TNKS2: variants seen among roughly 807,000 people sequenced by gnomAD.
TNKS2 encodes the protein tankyrase 2, also known as poly [ADP-ribose] polymerase tankyrase-2.
In TNKS2, 72 loss-of-function variants were observed where a neutral mutation model predicts 137.6. The ratio of observed to expected loss-of-function variants is 0.52; its 90% CI spans 0.43 to 0.64. The LOEUF (loss-of-function observed/expected upper bound fraction) is 0.64. TNKS2 is among the 30% of genes least tolerant of loss of function. The pLI, the probability that TNKS2 is intolerant of heterozygous loss-of-function variation, is 0.00. For synonymous variants in TNKS2, 516 were observed against 512.1 expected (o/e 1.01, Z -0.10); for missense variants, 1,049 against 1,410.2 (o/e 0.74, Z 4.10).
chr10:91,833,017 A>G (rs1292393243), intron 11 of TNKS2, among the ~76,000 whole-genome samples: 1 of 152,226 alleles, frequency 6.6e-6, no homozygotes, highest in Non-Finnish European at 1.5e-5. Flanking sequence ...TTCCACATGC[A>G]CATCAACTAG....
At chr10:91,827,328 T>C in intron 8 of TNKS2, 125 bp downstream of exon 8, 1 of 736,708 alleles carries the variant, frequency 1.4e-6, no homozygotes, top group Non-Finnish European at 2.0e-6. Flanking sequence ...GGGCATCCAC[T>C]GTTGTTTAGC....
At chr10:91,840,323 G>A (rs994443623) in intron 13 of TNKS2, among the ~76,000 whole-genome samples, 4 of 152,132 alleles carry the variant, frequency 2.6e-5, no homozygotes, top group African/African-American at 9.7e-5. Context: ...CTGGGTAAGA[G>A]AGCTAGACTC....
chr10:91,860,613 A>T (rs1842828752), intron 25 of TNKS2, among the ~76,000 whole-genome samples: 1 of 152,222 alleles, frequency 6.6e-6, no homozygotes, highest in Non-Finnish European at 1.5e-5. Context: ...ACCCTCACAG[A>T]ATCTCTTTTA....
In TNKS2 at chr10:91,819,989, G is replaced by T. The variant is rs1469510795; in HGVS notation, c.684G>T (p.Gln228His). Residue 228 changes from glutamine to histidine, a missense_variant, in exon 6 of 27, where the codon CAG (glutamine) becomes CAT (histidine). Physicochemically the swap from Gln to His is conservative, Grantham distance 24. Coordinates refer to ENST00000371627, the MANE Select transcript of TNKS2 (RefSeq NM_025235.4). ...GATATAACAGAGTAAAGATTGTACA[G>T]CTGTTACTGCAACATGGAGCTGATG... ...AAGYNRVKIV[Q>H]LLLQHGADVH... 6.3e-7 allele frequency: 1 copy of T among 1,593,716 alleles called. No homozygotes were observed. The highest frequency in any genetic ancestry group is 2.3e-5 in the East Asian group (1 of 43,928).
In TNKS2 at chr10:91,828,371, A is replaced by G; in HGVS notation, c.1069A>G (p.Asn357Asp). Residue 357 changes from asparagine to aspartate, a missense_variant, in exon 9 of 27, where the codon AAT (asparagine) becomes GAT (aspartate). By Grantham distance (23) the Asn-to-Asp change is conservative. Transcript: ENST00000371627. ...IKKHLSLEMV[N>D]FKHPQTHETA... ...AAAACATCTCTCTCTGGAAATGGTG[A>G]ATTTCAAGCATCCTCAAACACATGA... The G allele has an allele frequency of 6.2e-7, 1 of 1,608,144 alleles. No homozygotes were observed. The highest frequency in any genetic ancestry group is 8.5e-7 in the Non-Finnish European group (1 of 1,177,826).
chr10:91,815,156 G>A (rs904086304), intron 2 of TNKS2, among the ~76,000 whole-genome samples: 2 of 152,152 alleles, frequency 1.3e-5, no homozygotes, highest in Non-Finnish European at 2.9e-5. Flanking sequence ...ATGTAAAACA[G>A]GGACAGTTGA....
At chr10:91,819,056 TC>T (rs1185937009) in intron 3 of TNKS2, among the ~76,000 whole-genome samples, 1 of 152,076 alleles carries the variant, frequency 6.6e-6, no homozygotes, top group Non-Finnish European at 1.5e-5. Context: ...TAAAATAGAA[TC>T]TTTTTTTTTA....
At chr10:91,802,354 T>C (rs776172101) in intron 1 of TNKS2, among the ~76,000 whole-genome samples, 1 of 152,194 alleles carries the variant, frequency 6.6e-6, no homozygotes, top group Non-Finnish European at 1.5e-5. Context: ...TTCACATATG[T>C]GGAAGAATCA....
intron 26 of TNKS2, among the ~76,000 whole-genome samples, chr10:91,862,498 CAAG>C (rs1842877117): frequency 6.6e-6 from 1 of 152,042 alleles, no homozygotes; most frequent in African/African-American, 2.4e-5. Flanking sequence ...TTCCTAAAAA[CAAG>C]AAGATTTTAT....
chr10:91,802,005 G>T (rs1844187584), intron 1 of TNKS2, among the ~76,000 whole-genome samples: 1 of 152,190 alleles, frequency 6.6e-6, no homozygotes, highest in South Asian at 2.1e-4. Context: ...TCATAGAAAT[G>T]AAAGAAATAT....
rs369814253 is a variant in TNKS2, at chr10:91,861,990, G to A, written c.3282-9G>A. 1,236 of 1,596,632 alleles carry A rather than the reference G, an allele frequency of 7.7e-4. 4 individuals are homozygous for A. The highest frequency in any genetic ancestry group is 6.9e-4 in the Non-Finnish European group (811 of 1,171,352). The stretch of plus-strand genomic sequence containing the variant: ...ACTTCAGGGTGATCTTTTCCTTTTC[G>A]TTTTATAGGCAGCTGCTCTTTTGCC... On this transcript the variant is annotated splice_polypyrimidine_tract_variant and intron_variant, in intron 25 of 26. Transcript: ENST00000371627.
chr10:91,836,634 C>T, intron 12 of TNKS2: 1 of 985,228 alleles, frequency 1.0e-6, no homozygotes, highest in African/African-American at 1.7e-5. Context: ...TAGAGCAGGC[C>T]ATCTTTAGTC....
At chr10:91,816,781 G>A (rs893736502) in intron 2 of TNKS2, among the ~76,000 whole-genome samples, 1 of 150,004 alleles carries the variant, frequency 6.7e-6, no homozygotes, top group African/African-American at 2.5e-5. Flanking sequence ...AGTCTTTCTA[G>A]CATAAGCAGT....
At chr10:91,831,780 G>A (rs1334695498) in intron 11 of TNKS2, among the ~76,000 whole-genome samples, 2 of 152,118 alleles carry the variant, frequency 1.3e-5, no homozygotes, top group African/African-American at 4.8e-5. Flanking sequence ...CTCAGTAAAA[G>A]ATATACATAG....
rs2133575875 is a variant in TNKS2, at chr10:91,798,491, G to T, written c.-200G>T. 1 of 494,042 alleles carries T rather than the reference G, an allele frequency of 2.0e-6. No homozygotes were observed. Among genetic ancestry groups the T allele is most frequent in the East Asian group, 4.7e-5 (1 of 21,390 alleles). The allele number at this position is 494,042 out of a possible 1,614,324, so 30.6% of individuals were successfully genotyped here. ...TTCGCGCTGCCTCCGCCGCCGCGGG[G>T]CAGCCGGGGGGCAGGGAGCCCAGCG... On this transcript the variant is annotated 5_prime_UTR_variant, in exon 1 of 27. Coordinates refer to ENST00000371627, the MANE Select transcript of TNKS2 (RefSeq NM_025235.4).
chr10:91,807,154 C>G, intron 1 of TNKS2: 3 of 1,570,702 alleles, frequency 1.9e-6, no homozygotes, highest in Non-Finnish European at 1.7e-6. Flanking sequence ...CCTAAGTACA[C>G]GACAAAGTCT....
chr10:91,805,850 G>A (rs1844308793), intron 1 of TNKS2, among the ~76,000 whole-genome samples: 1 of 152,080 alleles, frequency 6.6e-6, no homozygotes, highest in African/African-American at 2.4e-5. Flanking sequence ...TCCTGCAGGT[G>A]GGTGCTAAGT....
chr10:91,830,184 A>C (rs1845196793), intron 9 of TNKS2, among the ~76,000 whole-genome samples: 1 of 152,146 alleles, frequency 6.6e-6, no homozygotes, highest in African/African-American at 2.4e-5. Flanking sequence ...GCTATTACCA[A>C]ACAGAATCCA....
In TNKS2 at chr10:91,848,405, T is replaced by C. The variant is rs748206758; in HGVS notation, c.2381T>C (p.Leu794Pro). ...LVSADDVSAL[L>P]TAAMPPSALP... ...TAGGCGGATGATGTCAGCGCTCTTC[T>C]GACAGCAGCCATGCCCCCATCTGCT... The change falls in exon 19 of 27, where the codon CTG becomes CCG. Residue 794 changes from leucine to proline, a missense_variant. This residue lies in a region of TNKS2 where 208 missense variants were observed against 231.2 expected (regional missense o/e 0.90). Coordinates refer to ENST00000371627, the MANE Select transcript of TNKS2 (RefSeq NM_025235.4). 12 of 1,614,210 alleles carry C rather than the reference T, an allele frequency of 7.4e-6. No homozygotes were observed. The highest frequency in any genetic ancestry group is 1.3e-5 in the African/African-American group (1 of 75,058).
Sources: allele counts gnomAD v4.1 joint callset (sites outside exome capture counted in the v4.1 genomes callset), GRCh38; gene constraint gnomAD v4.1.1; regional missense constraint gnomAD v4.1.1; transcripts MANE v1.5; gene names NCBI Gene and HGNC (gene_info 2026-07-23, HGNC 2026-07-21).